Variants in RANBP3 observed in about 807,000 individuals in gnomAD.
RANBP3 encodes the protein ran-binding protein 3.
Under a neutral mutation model 77.3 loss-of-function variants are expected in RANBP3, and 14 were observed. The ratio of observed to expected loss-of-function variants is 0.18; its 90% CI spans 0.12 to 0.28. The LOEUF is 0.28. Among genes scored for constraint, RANBP3 ranks in the 10% least tolerant of loss-of-function variants. The pLI, the probability that RANBP3 is intolerant of heterozygous loss-of-function variation, is 1.00. For synonymous variants in RANBP3, 315 were observed against 312.4 expected (o/e 1.01, Z -0.09); for missense variants, 586 against 752.3 (o/e 0.78, Z 2.59).
chr19:5,939,605 G>T (rs7249186), intron 5 of RANBP3, among the ~76,000 whole-genome samples: 1 of 152,178 alleles, frequency 6.6e-6, no homozygotes, highest in African/African-American at 2.4e-5. Flanking sequence ...AGGTGCAGGC[G>T]GGGGAGGGAA....
chr19:5,948,010 C>T (rs899289703), intron 3 of RANBP3, among the ~76,000 whole-genome samples: 6 of 152,140 alleles, frequency 3.9e-5, no homozygotes, highest in African/African-American at 9.7e-5. Flanking sequence ...GGTGTGTCCT[C>T]GGTGCCAAGG....
chr19:5,927,022 C>T (rs544029943), intron 9 of RANBP3, among the ~76,000 whole-genome samples: 23 of 152,224 alleles, frequency 1.5e-4, no homozygotes, highest in Non-Finnish European at 2.6e-4. Context: ...CTGCAAGGGG[C>T]GGAGTGGCAT....
chr19:5,951,904 G>T lies in RANBP3; in HGVS notation c.79-308C>A, dbSNP rs80261638. Among the ~76,000 whole-genome samples the T allele has an allele frequency of 5.8e-3, 881 of 152,314 alleles. 20 individuals carry two copies. Among genetic ancestry groups the T allele is most frequent in the South Asian group, 0.057 (277 of 4,826 alleles). The stretch of plus-strand genomic sequence containing the variant: ...CCTGGCAAGGAGCTACTTGGCTTAC[G>T]GGCCTTGGTGATCAAGGGACAGGGA... On this transcript the variant is annotated intron_variant, in intron 2 of 16. Transcript: ENST00000340578.
At chr19:5,977,614 G>A (rs376738454) in intron 1 of RANBP3, among the ~76,000 whole-genome samples, 3 of 151,952 alleles carry the variant, frequency 2.0e-5, no homozygotes, top group East Asian at 1.9e-4. Flanking sequence ...ACGGGCTTAG[G>A]AGATAGGCAG....
In RANBP3 at chr19:5,924,765, T is replaced by C; in HGVS notation, c.996+62A>G. The C allele has an allele frequency of 6.6e-7, 1 of 1,511,098 alleles. No individual in the cohort carries two copies. Among genetic ancestry groups the C allele is most frequent in the Non-Finnish European group, 9.2e-7 (1 of 1,086,828 alleles). The allele number at this position is 1,511,098 out of a possible 1,614,324, so 93.6% of individuals were successfully genotyped here. On this transcript the variant is annotated intron_variant, in intron 11 of 16. Coordinates refer to ENST00000340578, the MANE Select transcript of RANBP3 (RefSeq NM_007322.3). This position sits in a 1 kb window ranked among gnomAD's most constrained non-coding sequence, Gnocchi z 4.7. Reference sequence around the variant, plus strand: ...AGCAGCCCTGCTCTCCATGTCCCCTTGACCTGTGGCTGGCGCCGAGAGCCT... The same window carrying C: ...AGCAGCCCTGCTCTCCATGTCCCCTCGACCTGTGGCTGGCGCCGAGAGCCT...
At chr19:5,957,155 A>C (rs2058344514) in intron 2 of RANBP3, among the ~76,000 whole-genome samples, 1 of 152,158 alleles carries the variant, frequency 6.6e-6, no homozygotes, top group South Asian at 2.1e-4. Flanking sequence ...CAAGCTGAGG[A>C]GTCACTGCCA....
intron 15 of RANBP3, among the ~76,000 whole-genome samples, 199 bp from the exon 16 acceptor site, chr19:5,918,179 T>G (rs373946683): frequency 1.3e-5 from 2 of 151,900 alleles, no homozygotes; most frequent in East Asian, 3.9e-4. Context: ...ATCCCAGAGG[T>G]CAGGGTTGGT....
At position 5,941,637 on chromosome 19, in the gene RANBP3, G is replaced by C; in HGVS notation, c.390C>G (p.Phe130Leu). Residue 130 changes from phenylalanine to leucine, a missense_variant, in exon 5 of 17, where the codon TTC (phenylalanine) becomes TTG (leucine). Coordinates refer to ENST00000340578, the MANE Select transcript of RANBP3 (RefSeq NM_007322.3). ...ATATTTTACCTGACTGTGAGGGTGG[G>C]AACTGGGTTAAAGAGGATGTTCTTT... Reference protein sequence around the residue: ...KRERTSSLTQFPPSQSEERSS... With the variant: ...KRERTSSLTQLPPSQSEERSS... 1 of 1,613,168 alleles carries C rather than the reference G, an allele frequency of 6.2e-7. No individual in the cohort carries two copies. The highest frequency in any genetic ancestry group is 8.5e-7 in the Non-Finnish European group (1 of 1,179,392).
intron 14 of RANBP3, among the ~76,000 whole-genome samples, chr19:5,920,122 C>T (rs1272617737): frequency 6.6e-6 from 1 of 152,178 alleles, no homozygotes; most frequent in Non-Finnish European, 1.5e-5. Flanking sequence ...ATGGTCCCAG[C>T]GCAGTGGCCC....
chr19:5,941,556 C>A (rs2058137188), intron 5 of RANBP3, 65 bp downstream of exon 5: 3 of 1,397,132 alleles, frequency 2.1e-6, no homozygotes, highest in Admixed American at 3.5e-5. Flanking sequence ...ATGCGCGGCA[C>A]TGAGGGGAAT....
chr19:5,940,331 C>T (rs1017855453), intron 5 of RANBP3, among the ~76,000 whole-genome samples: 2 of 152,128 alleles, frequency 1.3e-5, no homozygotes, highest in Admixed American at 6.5e-5. Context: ...ATAAAATCAA[C>T]GAGCAGGAAG....
chr19:5,949,034 T>C (rs540049011), intron 3 of RANBP3, among the ~76,000 whole-genome samples: 16 of 152,352 alleles, frequency 1.1e-4, no homozygotes, highest in South Asian at 6.2e-4. Context: ...GACTAAAAGA[T>C]GGTAAGGGCC....
chr19:5,961,411 A>G (rs1354995228), intron 1 of RANBP3, among the ~76,000 whole-genome samples: 4 of 145,976 alleles, frequency 2.7e-5, no homozygotes, highest in Non-Finnish European at 3.0e-5. Flanking sequence ...ATTCCATCTC[A>G]AAACAAAACA....
Position 5,924,028 on chromosome 19 carries a change from C to T in RANBP3, c.997-114G>A. 1.3e-6 allele frequency: 1 copy of T among 786,564 alleles called. No individual in the cohort carries two copies. The highest frequency in any genetic ancestry group is 2.1e-6 in the Non-Finnish European group (1 of 479,756). 48.7% of individuals were successfully genotyped at this position (786,564 alleles called of 1,614,324 possible). On this transcript the variant is annotated intron_variant, in intron 11 of 16. Transcript: ENST00000340578. This position sits in a 1 kb window ranked among gnomAD's most constrained non-coding sequence, Gnocchi z 4.7. ...ACTACGCTGCCCCCAGCACTCCTGC[C>T]CACTCCCGGTGACACCCTGAACTGC...
chr19:5,971,266 A>T lies in RANBP3; in HGVS notation c.22+6795T>A, dbSNP rs565605419. On this transcript the variant is annotated intron_variant, in intron 1 of 16. Transcript: ENST00000340578. ...TAAGTATTTAAAAAAATCTGAGAAG[A>T]GTGGCATTATTTTACATTTTGACAA... Among the ~76,000 whole-genome samples the T allele has an allele frequency of 2.0e-5, 3 of 152,348 alleles. No homozygotes were observed. The South Asian group carries it at 6.2e-4, about 32-fold the overall frequency.
intron 4 of RANBP3, 39 bp downstream of exon 4, chr19:5,941,760 A>G (rs375539678): frequency 6.0e-5 from 97 of 1,612,502 alleles, no homozygotes; most frequent in Non-Finnish European, 7.9e-5. Flanking sequence ...TTCTGTCTTT[A>G]AAACTGAAGA....
In RANBP3 at chr19:5,959,460, C is replaced by T. The variant is rs1361984414; in HGVS notation, c.23-1487G>A. ...ATGGTGACATTCCCCCCACCATGCT[C>T]CCCGAAGCCTCGGCACACCAGGGTC... is the stretch of plus-strand genomic sequence containing the variant. On this transcript the variant is annotated intron_variant, in intron 1 of 16. Coordinates refer to ENST00000340578, the MANE Select transcript of RANBP3 (RefSeq NM_007322.3). The surrounding 1 kb of genome is among the most constrained non-coding windows in gnomAD (Gnocchi z 5.1). Among the ~76,000 whole-genome samples, 1 of 152,070 alleles carries T rather than the reference C, an allele frequency of 6.6e-6. No individual in the cohort carries two copies. The highest frequency in any genetic ancestry group is 1.5e-5 in the Non-Finnish European group (1 of 68,004).
chr19:5,937,056 CAAAAAAAAAA>C (rs71172783), intron 5 of RANBP3, among the ~76,000 whole-genome samples: 933 of 37,188 alleles, frequency 0.025, 24 homozygotes, highest in Middle Eastern at 0.091. Flanking sequence ...ACTCTGTCTC[CAAAAAAAAAA>C]AAAAAAAAAA....
intron 1 of RANBP3, 75 bp downstream of exon 1, chr19:5,977,985 CA>C (rs1555768231): frequency 3.2e-6 from 5 of 1,585,436 alleles, no homozygotes; most frequent in Non-Finnish European, 4.3e-6. Flanking sequence ...GTGCTCCCCC[CA>C]AGGGCTTGTG....
Sources: gnomAD v4.1 joint callset for allele counts (sites outside exome capture counted in the v4.1 genomes callset) on GRCh38, gnomAD v4.1.1 for gene constraint, Gnocchi (gnomAD v3.1) non-coding constraint, MANE v1.5 for transcripts, NCBI Gene and HGNC (gene_info 2026-07-23, HGNC 2026-07-21) for gene names.